The following GRM1 variants were observed in gnomAD, a reference collection of about 807,000 sequenced individuals.
The protein encoded by GRM1 is metabotropic glutamate receptor 1.
In GRM1, 33 loss-of-function variants were observed where a neutral mutation model predicts 90.9. The observed-to-expected ratio is 0.36, with a 90% CI of 0.28 to 0.49. The LOEUF (loss-of-function observed/expected upper bound fraction) is 0.49. Among genes scored for constraint, GRM1 ranks in the 20% least tolerant of loss-of-function variants. GRM1 has a pLI of 0.99. For synonymous variants in GRM1, 700 were observed against 613.2 expected, an observed-to-expected ratio of 1.14 and a Z score of -2.09; for missense variants, 1,190 against 1,534.3, an observed-to-expected ratio of 0.78 and a Z score of 3.75.
intron 7 of GRM1, among the ~76,000 whole-genome samples, chr6:146,400,361 A>T (rs1441880092): frequency 6.6e-6 from 1 of 152,200 alleles, no homozygotes; most frequent in East Asian, 1.9e-4. Flanking sequence ...TGCTACTGCA[A>T]AGTCATGATC....
intron 1 of GRM1, among the ~76,000 whole-genome samples, chr6:146,130,091 A>C (rs1388782853): frequency 6.6e-6 from 1 of 152,060 alleles, no homozygotes; most frequent in Non-Finnish European, 1.5e-5. Context: ...GATTAGTGTA[A>C]TTGGAAGTCA....
chr6:146,096,910 ACT>A (rs1466679343), intron 1 of GRM1, among the ~76,000 whole-genome samples: 1 of 152,050 alleles, frequency 6.6e-6, no homozygotes, highest in African/African-American at 2.4e-5. Flanking sequence ...GTCTGAAAAC[ACT>A]CTGTGAATTT....
intron 5 of GRM1, among the ~76,000 whole-genome samples, chr6:146,384,805 A>C (rs1379799796): frequency 6.6e-6 from 1 of 152,122 alleles, no homozygotes; most frequent in Admixed American, 6.6e-5. Context: ...CAATATAAAA[A>C]ATAACATATT....
At chr6:146,418,960 G>A (rs1777888042) in intron 7 of GRM1, among the ~76,000 whole-genome samples, 1 of 152,116 alleles carries the variant, frequency 6.6e-6, no homozygotes, top group African/African-American at 2.4e-5. Flanking sequence ...TGGCACATAA[G>A]GTAATTCTGA....
chr6:146,307,253 A>G (rs1783610585), intron 3 of GRM1, among the ~76,000 whole-genome samples: 1 of 152,208 alleles, frequency 6.6e-6, no homozygotes, highest in African/African-American at 2.4e-5. Context: ...AGCTTCTTAT[A>G]TGATTACAAT....
intron 1 of GRM1, among the ~76,000 whole-genome samples, chr6:146,031,027 A>G (rs1251826518): frequency 6.6e-6 from 1 of 152,200 alleles, no homozygotes; most frequent in Non-Finnish European, 1.5e-5. Context: ...TAATGAATGG[A>G]TAGCAGATAT....
At chr6:146,215,758 CTT>C (rs35104475) in intron 2 of GRM1, among the ~76,000 whole-genome samples, 47 of 140,384 alleles carry the variant, frequency 3.3e-4, no homozygotes, top group South Asian at 1.1e-3. Context: ...TATCCACAAA[CTT>C]TTTTTTTTTT....
intron 1 of GRM1, among the ~76,000 whole-genome samples, chr6:146,155,287 T>C (rs921560056): frequency 2.0e-5 from 3 of 152,218 alleles, no homozygotes; most frequent in African/African-American, 7.2e-5. Flanking sequence ...CTGTACTTTC[T>C]CTATGTTTAG....
At chr6:146,200,430 C>A (rs1352421781) in intron 2 of GRM1, among the ~76,000 whole-genome samples, 8 of 152,214 alleles carry the variant, frequency 5.3e-5, no homozygotes, top group Non-Finnish European at 8.8e-5. Flanking sequence ...CCTTTGTGCT[C>A]ACACCAGGCG....
At chr6:146,307,722 A>G (rs1463617144) in intron 3 of GRM1, among the ~76,000 whole-genome samples, 1 of 152,088 alleles carries the variant, frequency 6.6e-6, no homozygotes, top group Non-Finnish European at 1.5e-5. Context: ...ACCTCTTCTA[A>G]TTGGGTCACT....
rs1790629137 is a variant in GRM1 at position 146,029,434 on chromosome 6, C to A, written c.-84C>A. Reference sequence around the variant, plus strand: ...CCACTCCGGGAGAGGCGGCGCTGGGCGTCTTGGGGGTGCGCGCCGGGAGCC... The same window carrying A: ...CCACTCCGGGAGAGGCGGCGCTGGGAGTCTTGGGGGTGCGCGCCGGGAGCC... On this transcript the variant is annotated 5_prime_UTR_variant, in exon 1 of 8. Coordinates refer to ENST00000282753, the MANE Select transcript of GRM1 (RefSeq NM_001278064.2). 6.6e-6 allele frequency: 7 copies of A among 1,065,474 alleles called. No individual in the cohort carries two copies. In the South Asian group the frequency reaches 8.8e-5, roughly 13 times the overall value. The allele number at this position is 1,065,474 out of a possible 1,614,324, so 66.0% of individuals were successfully genotyped here. A position where few individuals can be genotyped will look rare whatever the true frequency, so the allele number is the denominator to read the frequency against.
chr6:146,133,023 G>A (rs762605859), intron 1 of GRM1, among the ~76,000 whole-genome samples: 11 of 152,310 alleles, frequency 7.2e-5, no homozygotes, highest in Non-Finnish European at 1.2e-4. Context: ...GAAGACTAAA[G>A]AGTGGCTTAC....
chr6:146,188,711 T>C (rs1294477421), intron 2 of GRM1, among the ~76,000 whole-genome samples: 1 of 152,214 alleles, frequency 6.6e-6, no homozygotes, highest in Non-Finnish European at 1.5e-5. Context: ...GCTAGTTTTT[T>C]GACCATGTAG....
chr6:146,143,441 T>A (rs1279149278), intron 1 of GRM1, among the ~76,000 whole-genome samples: 1 of 152,184 alleles, frequency 6.6e-6, no homozygotes, highest in Admixed American at 6.5e-5. Context: ...TCCTGATGAA[T>A]GTCAGTCCAA....
intron 1 of GRM1, among the ~76,000 whole-genome samples, chr6:146,108,239 G>C (rs1775403476): frequency 6.6e-6 from 1 of 152,138 alleles, no homozygotes; most frequent in East Asian, 1.9e-4. Context: ...TCTTCTACCA[G>C]CATGATCTCA....
chr6:146,368,516 T>G (rs889989592), intron 5 of GRM1, among the ~76,000 whole-genome samples: 2 of 152,108 alleles, frequency 1.3e-5, no homozygotes, highest in Non-Finnish European at 2.9e-5. Context: ...GATTTGTTCA[T>G]ATATGGCCTT....
intron 2 of GRM1, among the ~76,000 whole-genome samples, chr6:146,282,468 AT>A (rs1782604589): frequency 6.6e-6 from 1 of 152,122 alleles, no homozygotes; most frequent in Non-Finnish European, 1.5e-5. Flanking sequence ...CACTCAAAAA[AT>A]ATTTGTTGAA....
chr6:146,063,298 G>GTTTTTT (rs1775735004), intron 1 of GRM1, among the ~76,000 whole-genome samples: 4 of 152,204 alleles, frequency 2.6e-5, no homozygotes, highest in Non-Finnish European at 1.5e-5. Context: ...TGGGTTAACA[G>GTTTTTT]AACTGTGATT....
At chr6:146,419,311 C>T (rs967032650) in intron 7 of GRM1, among the ~76,000 whole-genome samples, 7 of 152,040 alleles carry the variant, frequency 4.6e-5, no homozygotes, top group East Asian at 1.9e-4. Flanking sequence ...GAGACTGTGG[C>T]GGAATAGCTC....
Sources: gnomAD v4.1 joint callset for allele counts (sites outside exome capture counted in the v4.1 genomes callset) on GRCh38, gnomAD v4.1.1 for gene constraint, MANE v1.5 for transcripts, NCBI Gene and HGNC (gene_info 2026-07-23, HGNC 2026-07-21) for gene names.